SLC39A10: variants seen among roughly 807,000 people sequenced by gnomAD.
The protein encoded by SLC39A10 is zinc transporter ZIP10.
A neutral mutation model predicts 65.1 loss-of-function variants in SLC39A10; 13 were observed. The ratio of observed to expected loss-of-function variants is 0.20; its 90% CI spans 0.13 to 0.32. The LOEUF (loss-of-function observed/expected upper bound fraction) is 0.32. SLC39A10 is among the 10% of genes least tolerant of loss of function. The pLI is 1.00. For missense variants in SLC39A10, 831 were observed against 1,018.4 expected, an observed-to-expected ratio of 0.82 and a Z score of 2.50; for synonymous variants, 321 against 342.2, an observed-to-expected ratio of 0.94 and a Z score of 0.68.
chr2:195,621,741 T>C lies in SLC39A10; in HGVS notation c.-12+15508T>C, dbSNP rs538225767. 2.0e-5 allele frequency among the ~76,000 whole-genome samples: 3 copies of C among 152,302 alleles called. No homozygotes were observed. The South Asian group carries it at 6.2e-4, about 32-fold the overall frequency. ...CAAACTAACCTGAATAAATTTGTAA[T>C]AATTATAGTATGAAGTGAGCATTCT... On this transcript the variant is annotated intron_variant, in intron 2 of 2. Coordinates refer to the SLC39A10 transcript ENST00000458054.
intron 3 of SLC39A10, among the ~76,000 whole-genome samples, chr2:195,684,408 A>G (rs997375086): frequency 6.6e-6 from 1 of 152,140 alleles, no homozygotes; most frequent in African/African-American, 2.4e-5. Flanking sequence ...GAGAGCTTCA[A>G]CTAGGGTAAA....
intron 1 of SLC39A10, among the ~76,000 whole-genome samples, chr2:195,673,500 T>G (rs1689958409): frequency 6.6e-6 from 1 of 152,184 alleles, no homozygotes; most frequent in South Asian, 2.1e-4. Context: ...GGTAATTTAT[T>G]TGTATAAATA....
chr2:195,659,321 C>CTA (rs1689288602), intron 1 of SLC39A10, among the ~76,000 whole-genome samples: 1 of 152,108 alleles, frequency 6.6e-6, no homozygotes, highest in East Asian at 1.9e-4. Flanking sequence ...TTACTGTTAC[C>CTA]AATTTAAATT....
In SLC39A10 at chr2:195,735,693, T is replaced by C. The variant is rs1328679535; in HGVS notation, c.*652T>C. 6.6e-6 allele frequency: 1 copy of C among 152,622 alleles called. No homozygotes were observed. Among genetic ancestry groups the C allele is most frequent in the Non-Finnish European group, 1.5e-5 (1 of 68,038 alleles). The allele number at this position is 152,622 out of a possible 1,614,324, so 9.5% of individuals were successfully genotyped here. On this transcript the variant is annotated 3_prime_UTR_variant, in exon 10 of 10. Transcript: ENST00000359634. ...TAAACTACTGAAATTTGTGATTGTA[T>C]GTTTGTGTGAGCTTCAGTTTAATGA...
intron 1 of SLC39A10, among the ~76,000 whole-genome samples, chr2:195,672,009 A>G (rs900347626): frequency 1.3e-5 from 2 of 151,990 alleles, no homozygotes; most frequent in Admixed American, 6.6e-5. Flanking sequence ...GTCATCTTCA[A>G]CTGTTATTGA....
intron 2 of SLC39A10, among the ~76,000 whole-genome samples, chr2:195,619,468 G>A (rs1554168): frequency 0.26 from 40,244 of 152,098 alleles, 6,475 homozygotes; most frequent in East Asian, 0.66. Context: ...GTGGTTTTCG[G>A]TTTCAGATAT....
chr2:195,706,479 C>T (rs1432254817), intron 3 of SLC39A10, 137 bp from the exon 4 acceptor site: 2 of 738,044 alleles, frequency 2.7e-6, no homozygotes, highest in East Asian at 3.2e-5. Flanking sequence ...TGTTTTTAAA[C>T]AATGCCTTAA....
chr2:195,637,749 T>C (rs1317231083), intron 2 of SLC39A10, among the ~76,000 whole-genome samples: 2 of 152,200 alleles, frequency 1.3e-5, no homozygotes, highest in African/African-American at 4.8e-5. Flanking sequence ...TCCCTGAAGG[T>C]CTGCGTAGGT....
At chr2:195,689,480 G>GT (rs1188266405) in intron 3 of SLC39A10, among the ~76,000 whole-genome samples, 5 of 151,820 alleles carry the variant, frequency 3.3e-5, no homozygotes, top group Admixed American at 2.0e-4. Flanking sequence ...CTATATAAAT[G>GT]TTTTTAAACT....
rs550136842 is a variant in SLC39A10, at chr2:195,664,522, AAG to A, written c.-12+7242_-12+7243del. Among the ~76,000 whole-genome samples the A allele has an allele frequency of 2.6e-5, 4 of 152,304 alleles. No homozygotes were observed. In the South Asian group the frequency reaches 8.3e-4, roughly 32 times the overall value. On this transcript the variant is annotated intron_variant, in intron 1 of 9. Coordinates refer to ENST00000359634, the MANE Select transcript of SLC39A10 (RefSeq NM_020342.3). ...AAAGGGAAAACATGATCAAAATAAA[AAG>A]GAACAGAACTGCAGGGTTTTTGCAG...
chr2:195,664,861 G>A (rs1370301817), intron 1 of SLC39A10, among the ~76,000 whole-genome samples: 1 of 152,116 alleles, frequency 6.6e-6, no homozygotes, highest in African/African-American at 2.4e-5. Flanking sequence ...GCACAAATTG[G>A]AATTAAAATG....
At chr2:195,641,391 A>T (rs187137365) in intron 2 of SLC39A10, among the ~76,000 whole-genome samples, 2 of 152,240 alleles carry the variant, frequency 1.3e-5, no homozygotes, top group Non-Finnish European at 2.9e-5. Context: ...GCATTGTTCA[A>T]TAACAGTGTA....
intron 1 of SLC39A10, among the ~76,000 whole-genome samples, chr2:195,669,038 G>C (rs1689746627): frequency 6.7e-6 from 1 of 149,504 alleles, no homozygotes; most frequent in African/African-American, 2.5e-5. Flanking sequence ...TCGTGCCACT[G>C]TGCTCCAGCC....
intron 2 of SLC39A10, among the ~76,000 whole-genome samples, chr2:195,636,333 A>G (rs1449183735): frequency 6.6e-6 from 1 of 152,192 alleles, no homozygotes; most frequent in African/African-American, 2.4e-5. Context: ...GTTATATCAT[A>G]TGTAATTGGT....
rs534129579 is a variant in SLC39A10, at chr2:195,728,449, T to C, written c.2337+100T>C. On this transcript the variant is annotated intron_variant, in intron 9 of 9. Transcript: ENST00000359634. The surrounding 1 kb of genome is among the most constrained non-coding windows in gnomAD (Gnocchi z 4.4). ...ACTATTTTTGAAAATATAACTCATT[T>C]TAAAGACATAATATCCTAAATAATC... 7 of 1,139,232 alleles carry C rather than the reference T, an allele frequency of 6.1e-6. No homozygotes were observed. In the East Asian group the frequency reaches 1.7e-4, roughly 27 times the overall value. 70.6% of individuals were successfully genotyped at this position (1,139,232 alleles called of 1,614,324 possible).
chr2:195,661,526 C>A (rs1477965477), intron 1 of SLC39A10, among the ~76,000 whole-genome samples: 1 of 152,190 alleles, frequency 6.6e-6, no homozygotes, highest in Non-Finnish European at 1.5e-5. Flanking sequence ...AGGCATGAGC[C>A]ACCGTGCCCA....
intron 7 of SLC39A10, 147 bp from the exon 8 acceptor site, chr2:195,718,105 C>CA (rs1691885829): frequency 3.8e-6 from 2 of 524,654 alleles, no homozygotes; most frequent in Admixed American, 6.3e-5. Flanking sequence ...ACTATATGTT[C>CA]AAAAACTATA....
chr2:195,733,381 G>A (rs1692487323), intron 9 of SLC39A10, among the ~76,000 whole-genome samples: 1 of 152,206 alleles, frequency 6.6e-6, no homozygotes, highest in Non-Finnish European at 1.5e-5. Flanking sequence ...TGGAAAGAAT[G>A]TATGCCTATA....
At chr2:195,726,058 A>C (rs1356484607) in intron 8 of SLC39A10, among the ~76,000 whole-genome samples, 1 of 152,230 alleles carries the variant, frequency 6.6e-6, no homozygotes, top group Non-Finnish European at 1.5e-5. Context: ...CATTTTTAAA[A>C]AATGAAATAG....
Sources: allele counts gnomAD v4.1 joint callset (sites outside exome capture counted in the v4.1 genomes callset), GRCh38; gene constraint gnomAD v4.1.1; non-coding constraint Gnocchi (gnomAD v3.1); transcripts MANE v1.5; gene names NCBI Gene and HGNC (gene_info 2026-07-23, HGNC 2026-07-21).